The following NLRP5 variants were observed in gnomAD, a reference collection of about 807,000 sequenced individuals.
NLRP5 encodes NLR family pyrin domain containing 5, also known as NACHT, LRR and PYD domains-containing protein 5.
A neutral mutation model predicts 113.1 loss-of-function variants in NLRP5; 93 were observed. The ratio of observed to expected loss-of-function variants is 0.82; its 90% CI spans 0.70 to 0.98. NLRP5 has a LOEUF of 0.98. NLRP5 is among the 50% of genes least tolerant of loss of function. NLRP5 has a pLI of 0.00. For synonymous variants in NLRP5, 751 were observed against 600.7 expected, an observed-to-expected ratio of 1.25 and a Z score of -3.66; for missense variants, 1,808 against 1,514.3, an observed-to-expected ratio of 1.19 and a Z score of -3.22.
chr19:55,988,848 T>C, the NLRP5 span, among the ~76,000 whole-genome samples: 7 of 152,154 alleles, frequency 4.6e-5, no homozygotes, highest in East Asian at 1.3e-3. Flanking sequence ...GTTGAGAGTC[T>C]TTGTCTTCTG....
intron 3 of NLRP5, among the ~76,000 whole-genome samples, chr19:56,009,074 C>T (rs928559917): frequency 8.5e-5 from 13 of 152,048 alleles, no homozygotes; most frequent in African/African-American, 2.2e-4. Context: ...TCTAGTGGCT[C>T]ATGCCTGTAA....
chr19:56,014,994 T>C (rs1386215894), intron 3 of NLRP5, among the ~76,000 whole-genome samples: 2 of 152,166 alleles, frequency 1.3e-5, no homozygotes. Context: ...TAGATTAATG[T>C]TGGGTATATG....
chr19:56,053,258 A>G (rs551408433), intron 12 of NLRP5, among the ~76,000 whole-genome samples: 234 of 149,322 alleles, frequency 1.6e-3, no homozygotes, highest in African/African-American at 5.8e-3. Context: ...AGCTGGGCAC[A>G]GTGGCACGTG....
At chr19:56,032,363 T>C (rs918790334) in intron 7 of NLRP5, among the ~76,000 whole-genome samples, 6 of 140,996 alleles carry the variant, frequency 4.3e-5, no homozygotes, top group African/African-American at 1.6e-4. Context: ...AAAAAAAAGA[T>C]CTGATTCAGG....
rs776076014 is a variant in NLRP5 at position 56,050,410 on chromosome 19, C to T, written c.2958-8C>T. The T allele has an allele frequency of 5.0e-6, 8 of 1,612,022 alleles. No individual in the cohort carries two copies. Among genetic ancestry groups the T allele is most frequent in the Non-Finnish European group, 6.8e-6 (8 of 1,179,292 alleles). Reference sequence around the variant, plus strand: ...CACGATCTTCTTTCCCATGTGTGTGCCCCACAGGCTGAATCAGTGCCACCT... The same window carrying T: ...CACGATCTTCTTTCCCATGTGTGTGTCCCACAGGCTGAATCAGTGCCACCT... On this transcript the variant is annotated splice_polypyrimidine_tract_variant and splice_region_variant and intron_variant, in intron 11 of 14. Transcript: ENST00000390649.
At chr19:56,047,608 A>G (rs1313638390) in intron 11 of NLRP5, among the ~76,000 whole-genome samples, 1 of 151,958 alleles carries the variant, frequency 6.6e-6, no homozygotes, top group Admixed American at 6.6e-5. Flanking sequence ...TAAAATTTCA[A>G]TTTTCTTAAA....
intron 11 of NLRP5, among the ~76,000 whole-genome samples, chr19:56,043,270 T>C (rs1465505544): frequency 6.6e-6 from 1 of 152,176 alleles, no homozygotes; most frequent in African/African-American, 2.4e-5. Context: ...CAGCATCTAC[T>C]GTTTTTTTAT....
At chr19:56,012,566 T>G (rs1284056328) in intron 3 of NLRP5, among the ~76,000 whole-genome samples, 1 of 62,742 alleles carries the variant, frequency 1.6e-5, no homozygotes. Context: ...CTTAGGACAT[T>G]TCCATAACCC....
chr19:56,052,647 A>C (rs1304055296), intron 12 of NLRP5, among the ~76,000 whole-genome samples: 1 of 152,050 alleles, frequency 6.6e-6, no homozygotes, highest in Admixed American at 6.6e-5. Context: ...TCCTACCCTT[A>C]GCCTCCCAAG....
At chr19:56,045,314 G>A (rs2123329144) in intron 11 of NLRP5, among the ~76,000 whole-genome samples, 1 of 152,348 alleles carries the variant, frequency 6.6e-6, no homozygotes, top group East Asian at 1.9e-4. Context: ...AACCTGAACA[G>A]GCTAAGTGTG....
chr19:56,045,846 C>A lies in NLRP5; in HGVS notation c.2958-4572C>A, dbSNP rs140274433. Among the ~76,000 whole-genome samples, 229 of 152,274 alleles carry A rather than the reference C, an allele frequency of 1.5e-3. 1 individual carries two copies. The highest frequency in any genetic ancestry group is 5.3e-3 in the African/African-American group (219 of 41,548). On this transcript the variant is annotated intron_variant, in intron 11 of 14. Transcript: ENST00000390649. ...TGATCAGTTAGGGTAGAGCATGTTA[C>A]AATGATAGAATGTTGCAGGTTGGCT...
chr19:56,030,714 C>CTTTTTTTTTTTTTCTTTTTT (rs1983068545), intron 7 of NLRP5, among the ~76,000 whole-genome samples: 1 of 71,350 alleles, frequency 1.4e-5, no homozygotes. Flanking sequence ...CTTTCTTCTT[C>CTTTTTTTTTTTTTCTTTTTT]TTTTTTTTTT....
At chr19:56,018,412 A>G (rs939822831) in intron 4 of NLRP5, among the ~76,000 whole-genome samples, 1 of 152,200 alleles carries the variant, frequency 6.6e-6, no homozygotes, top group African/African-American at 2.4e-5. Flanking sequence ...GGTAGCTACT[A>G]TATGCCAGAG....
At position 56,013,642 on chromosome 19, in the gene NLRP5, G is replaced by T. The variant is rs182546072; in HGVS notation, c.509-2100G>T. On this transcript the variant is annotated intron_variant, in intron 3 of 14. Transcript: ENST00000390649. ...TGCTATTATGAACGATGCAGCTATG[G>T]ATTCCCACGTGTGTGTTTGTGTAGA... is the stretch of plus-strand genomic sequence containing the variant. Among the ~76,000 whole-genome samples the T allele has an allele frequency of 3.1e-3, 280 of 91,152 alleles. 4 individuals are homozygous for T. In the East Asian group the frequency reaches 0.032, roughly 10 times the overall value. 59.8% of individuals were successfully genotyped at this position (91,152 alleles called of 152,430 possible). A position where few individuals can be genotyped will look rare whatever the true frequency, so the allele number is the denominator to read the frequency against.
intron 13 of NLRP5, among the ~76,000 whole-genome samples, chr19:56,057,937 G>T (rs1984215482): frequency 6.6e-6 from 1 of 151,244 alleles, no homozygotes; most frequent in Non-Finnish European, 1.5e-5. Context: ...TAAGGCAGGA[G>T]TATCGCTTGA....
chr19:56,058,233 C>A lies in NLRP5; in HGVS notation c.3300-7C>A, dbSNP rs761138516. 8.7e-6 allele frequency: 14 copies of A among 1,609,926 alleles called. No homozygotes were observed. The highest frequency in any genetic ancestry group is 1.7e-5 in the Admixed American group (1 of 59,430). The stretch of plus-strand genomic sequence containing the variant: ...GGGGTTATTTTCTGGGTGTCCTGAC[C>A]CTGCAGGTTGAAGGCATGTGGACTG... On this transcript the variant is annotated splice_polypyrimidine_tract_variant and splice_region_variant and intron_variant, in intron 13 of 14. Coordinates refer to ENST00000390649, the MANE Select transcript of NLRP5 (RefSeq NM_153447.4).
intron 2 of NLRP5, 132 bp downstream of exon 2, chr19:56,004,227 C>G (rs4801657): frequency 1.0e-6 from 1 of 957,262 alleles, no homozygotes; most frequent in Non-Finnish European, 1.5e-6. Context: ...GAGAAGGATC[C>G]TATTGGTCAT....
rs1981841894 is a variant in NLRP5, at chr19:56,005,347, A to G, written c.442+1252A>G. ...CATATTTATATATACACATACACATACACATATATTTTTATATACACACAT... is the reference window on the plus strand; with the variant it reads ...CATATTTATATATACACATACACATGCACATATATTTTTATATACACACAT... On this transcript the variant is annotated intron_variant, in intron 2 of 14. Coordinates refer to ENST00000390649, the MANE Select transcript of NLRP5 (RefSeq NM_153447.4). Among the ~76,000 whole-genome samples, 4 of 117,666 alleles carry G rather than the reference A, an allele frequency of 3.4e-5. No individual in the cohort carries two copies. The South Asian group carries it at 1.1e-3, about 33-fold the overall frequency. 77.2% of individuals were successfully genotyped at this position (117,666 alleles called of 152,430 possible). A position where few individuals can be genotyped will look rare whatever the true frequency, so the allele number is the denominator to read the frequency against.
At chr19:56,040,504 T>C (rs1158847847) in intron 10 of NLRP5, among the ~76,000 whole-genome samples, 3 of 152,056 alleles carry the variant, frequency 2.0e-5, no homozygotes, top group South Asian at 4.2e-4. Flanking sequence ...AGAGCAGAGG[T>C]TGCAGTGAGC....
Sources: allele counts gnomAD v4.1 joint callset (sites outside exome capture counted in the v4.1 genomes callset), GRCh38; gene constraint gnomAD v4.1.1; transcripts MANE v1.5; gene names NCBI Gene and HGNC (gene_info 2026-07-23, HGNC 2026-07-21).